Variants in COQ7 observed in about 807,000 individuals in gnomAD.
The protein encoded by COQ7 is NADPH-dependent 3-demethoxyubiquinone 3-hydroxylase, mitochondrial.
A neutral mutation model predicts 25.0 loss-of-function variants in COQ7; 21 were observed. The ratio of observed to expected loss-of-function variants is 0.84; its 90% confidence interval spans 0.60 to 1.21. The LOEUF (loss-of-function observed/expected upper bound fraction) is 1.21, where lower values mean the gene tolerates loss of function less well. Ranked by LOEUF, COQ7 falls within the 50% of genes most tolerant of loss-of-function variation. The probability of loss-of-function intolerance (pLI) is 0.00; values close to 1 mark genes in which losing one functional copy is unlikely to be tolerated. For synonymous variants in COQ7, 125 were observed against 112.4 expected (o/e 1.11, Z -0.71); for missense variants, 311 against 296.2 (o/e 1.05, Z -0.37).
downstream of COQ7, among the ~76,000 whole-genome samples, chr16:19,082,086 A>T (rs765552792): frequency 6.6e-6 from 1 of 152,218 alleles, no homozygotes; most frequent in Non-Finnish European, 1.5e-5. Flanking sequence ...CATAATAACT[A>T]AAAGTGGAAA....
intron 1 of COQ7, 33 bp downstream of exon 1, chr16:19,067,770 C>T (rs756609351): frequency 5.7e-6 from 9 of 1,585,698 alleles, no homozygotes; most frequent in African/African-American, 5.5e-5. Flanking sequence ...AGTCCTGCGC[C>T]GGTCTAGCGA....
intron 1 of COQ7, chr16:19,068,004 G>A: frequency 7.5e-7 from 1 of 1,332,106 alleles, no homozygotes; most frequent in Non-Finnish European, 9.6e-7. Context: ...GTGATGTCAC[G>A]GCAGGTGCGG....
At chr16:19,074,144 GT>G in intron 3 of COQ7, 109 bp downstream of exon 3, 1 of 696,734 alleles carries the variant, frequency 1.4e-6, no homozygotes, top group Non-Finnish European at 2.3e-6. Flanking sequence ...ACCTCATTCT[GT>G]TTACTTCATA....
rs372420646 is a variant in COQ7, at chr16:19,068,545, A to G, written c.73+808A>G. 391 of 251,040 alleles carry G rather than the reference A, an allele frequency of 1.6e-3. 2 individuals are homozygous for G. The highest frequency in any genetic ancestry group is 8.5e-3 in the African/African-American group (367 of 43,206). The allele number at this position is 251,040 out of a possible 1,614,324, so 15.6% of individuals were successfully genotyped here. A position where few individuals can be genotyped will look rare whatever the true frequency, so the allele number is the denominator to read the frequency against. Reference sequence around the variant, plus strand: ...CAGGTGCCTGTAATCCCAGCTACTCAGGAGGCTGAGACAGGAGAATCGCTT... The same window carrying G: ...CAGGTGCCTGTAATCCCAGCTACTCGGGAGGCTGAGACAGGAGAATCGCTT... On this transcript the variant is annotated intron_variant, in intron 1 of 5. Transcript: ENST00000321998.
chr16:19,082,483 GAAGAA>G (rs1963114418), downstream of COQ7, among the ~76,000 whole-genome samples: 1 of 149,660 alleles, frequency 6.7e-6, no homozygotes, highest in Non-Finnish European at 1.5e-5. Flanking sequence ...GTGACTTTGA[GAAGAA>G]AAAAAAAAAA....
downstream of COQ7, among the ~76,000 whole-genome samples, chr16:19,080,940 A>G (rs923138864): frequency 5.3e-5 from 8 of 152,186 alleles, no homozygotes; most frequent in Non-Finnish European, 7.3e-5. Flanking sequence ...CATATTTCCA[A>G]TATCTTTAGA....
intron 1 of COQ7, among the ~76,000 whole-genome samples, chr16:19,070,930 A>G (rs1016673450): frequency 1.3e-5 from 2 of 152,208 alleles, no homozygotes; most frequent in Non-Finnish European, 2.9e-5. Context: ...TATAAGGCTC[A>G]GAGAATATAA....
rs67725348 is a variant in COQ7 at position 19,076,585 on chromosome 16, CTTTTTTTTTTTT to C, written c.508-705_508-694del. On this transcript the variant is annotated intron_variant, in intron 4 of 5. Transcript: ENST00000321998. ...GAGCCACACCACCTGGTGCTGTTCA[CTTTTTTTTTTTT>C]TTTTTTTTTTTTTTTGAGATGGAGT... Among the ~76,000 whole-genome samples, 5 of 80,524 alleles carry C rather than the reference CTTTTTTTTTTTT, an allele frequency of 6.2e-5. No individual in the cohort carries two copies. In the East Asian group the frequency reaches 1.3e-3, roughly 21 times the overall value. The allele number at this position is 80,524 out of a possible 152,430, so 52.8% of individuals were successfully genotyped here. A position where few individuals can be genotyped will look rare whatever the true frequency, so the allele number is the denominator to read the frequency against.
chr16:19,075,546 T>C (rs1962788796), intron 3 of COQ7, among the ~76,000 whole-genome samples, 175 bp from the exon 4 acceptor site: 1 of 152,152 alleles, frequency 6.6e-6, no homozygotes, highest in African/African-American at 2.4e-5. Context: ...TGGCATCTAG[T>C]TGGTAGAGGT....
intron 1 of COQ7, 164 bp from the exon 2 acceptor site, chr16:19,071,764 C>T (rs895496521): frequency 4.5e-6 from 3 of 665,250 alleles, no homozygotes; most frequent in Admixed American, 2.8e-5. Context: ...TAGGTAAAAT[C>T]CTCTGTTTTA....
At chr16:19,070,827 G>A (rs78014980) in intron 1 of COQ7, among the ~76,000 whole-genome samples, 4,479 of 151,616 alleles carry the variant, frequency 0.03, 111 homozygotes, top group Middle Eastern at 0.058. Flanking sequence ...ACTATTTTCC[G>A]TATCTGCAAA....
At position 19,078,993 on chromosome 16, in the gene COQ7, T is replaced by C. The variant is rs1417400387; in HGVS notation, c.*835T>C. 2.0e-5 allele frequency: 3 copies of C among 152,180 alleles called. No homozygotes were observed. The highest frequency in any genetic ancestry group is 7.2e-5 in the African/African-American group (3 of 41,426). The allele number at this position is 152,180 out of a possible 1,614,324, so 9.4% of individuals were successfully genotyped here. Reference sequence around the variant, plus strand: ...TATGTCTGTGTCTCCCTAGAATTCATACGATGAAATCTTCACTCTCAAGTT... The same window carrying C: ...TATGTCTGTGTCTCCCTAGAATTCACACGATGAAATCTTCACTCTCAAGTT... On this transcript the variant is annotated 3_prime_UTR_variant, in exon 6 of 6. Transcript: ENST00000321998.
At chr16:19,072,438 G>A (rs1308018719) in intron 2 of COQ7, 11 of 248,948 alleles carry the variant, frequency 4.4e-5, no homozygotes, top group Non-Finnish European at 6.3e-5. Flanking sequence ...GCCCCCTACC[G>A]TGCCAGAGAG....
In COQ7 at chr16:19,072,036, A is replaced by G; in HGVS notation, c.182A>G (p.Tyr61Cys). 6.2e-7 allele frequency: 1 copy of G among 1,614,204 alleles called. No individual in the cohort carries two copies. Among genetic ancestry groups the G allele is most frequent in the East Asian group, 2.2e-5 (1 of 44,890 alleles). Reference protein sequence around the residue: ...RIIRVDHAGEYGANRIYAGQM... With the variant: ...RIIRVDHAGECGANRIYAGQM... ...ATCCGGGTGGATCATGCAGGCGAAT[A>G]TGGAGCAAACCGCATCTATGCCGGG... The change falls in exon 2 of 6, where the codon TAT becomes TGT. Residue 61 changes from tyrosine to cysteine, a missense_variant. Physicochemically the swap from Tyr to Cys is radical, Grantham distance 194. Coordinates refer to ENST00000321998, the MANE Select transcript of COQ7 (RefSeq NM_016138.5).
chr16:19,080,282 A>G (rs544037467), downstream of COQ7, among the ~76,000 whole-genome samples: 1 of 152,216 alleles, frequency 6.6e-6, no homozygotes, highest in Non-Finnish European at 1.5e-5. Flanking sequence ...CAAGATTTTT[A>G]TGTAATAGTA....
chr16:19,068,149 G>C (rs1962335589), intron 1 of COQ7: 2 of 1,048,010 alleles, frequency 1.9e-6, no homozygotes. Flanking sequence ...GCTACTTCTG[G>C]GCGCTCGCTA....
At chr16:19,069,697 C>T (rs189479831) in intron 1 of COQ7, among the ~76,000 whole-genome samples, 151 of 151,980 alleles carry the variant, frequency 9.9e-4, no homozygotes, top group Non-Finnish European at 1.4e-3. Flanking sequence ...AGGCGTGAGT[C>T]GCCGCACCCA....
intron 3 of COQ7, 146 bp downstream of exon 3, chr16:19,074,181 T>C: frequency 1.8e-6 from 1 of 550,134 alleles, no homozygotes; most frequent in Non-Finnish European, 3.2e-6. Flanking sequence ...ATTGACTGCC[T>C]TTTTTTGTGT....
chr16:19,076,246 C>CA, intron 4 of COQ7, among the ~76,000 whole-genome samples: 1 of 146,850 alleles, frequency 6.8e-6, no homozygotes. Context: ...AGCCACCACT[C>CA]ACAGCTAATT....
Sources: gnomAD v4.1 joint callset for allele counts (sites outside exome capture counted in the v4.1 genomes callset) on GRCh38, gnomAD v4.1.1 for gene constraint, MANE v1.5 for transcripts, NCBI Gene and HGNC (gene_info 2026-07-23, HGNC 2026-07-21) for gene names.